Variants in MCM3AP observed in about 807,000 individuals in gnomAD.
MCM3AP encodes the protein minichromosome maintenance complex component 3 associated protein.
In MCM3AP, 126 loss-of-function variants were observed where a neutral mutation model predicts 184.1. That is an observed-to-expected ratio of 0.68 (90% CI 0.59 to 0.79). MCM3AP has a LOEUF of 0.79. MCM3AP is among the 30% of genes least tolerant of loss of function. The pLI, the probability that MCM3AP is intolerant of heterozygous loss-of-function variation, is 0.00. For missense variants in MCM3AP, 2,496 were observed against 2,479.2 expected (o/e 1.01, Z -0.14); for synonymous variants, 1,002 against 979.3 (o/e 1.02, Z -0.43).
intron 26 of MCM3AP, among the ~76,000 whole-genome samples, chr21:46,238,796 AC>A (rs1480537504): frequency 1.3e-5 from 2 of 152,184 alleles, no homozygotes; most frequent in Non-Finnish European, 2.9e-5. Flanking sequence ...CCCTTCCAAA[AC>A]ATATTCATTA....
intron 22 of MCM3AP, 94 bp from the exon 23 acceptor site, chr21:46,245,291 A>T: frequency 2.6e-6 from 3 of 1,154,728 alleles, no homozygotes; most frequent in Non-Finnish European, 3.7e-6. Flanking sequence ...TGCCCACAGC[A>T]GGTAATACCA....
chr21:46,280,498 T>C lies in MCM3AP; in HGVS notation c.1521A>G (p.Ile507Met), dbSNP rs1026354105. 6.2e-7 allele frequency: 1 copy of C among 1,602,422 alleles called. No homozygotes were observed. Among genetic ancestry groups the C allele is most frequent in the South Asian group, 1.1e-5 (1 of 89,648 alleles). Reference sequence around the variant, plus strand: ...TGAAAAGAATAATTGAAAACTCACTTATTTTCTTCCTGTGCCAAAAGATAG... The same window carrying C: ...TGAAAAGAATAATTGAAAACTCACTCATTTTCTTCCTGTGCCAAAAGATAG... ...DMAIFWHRKK[I>M]SPNKKPFSLK... Residue 507 changes from isoleucine to methionine, a missense_variant and splice_region_variant, in exon 3 of 28, where the codon ATA (isoleucine) becomes ATG (methionine). Transcript: ENST00000291688.
intron 19 of MCM3AP, 195 bp from the exon 20 acceptor site, chr21:46,251,877 C>G: frequency 9.5e-6 from 2 of 209,658 alleles, no homozygotes; most frequent in Non-Finnish European, 1.8e-5. Context: ...GATCTGTACT[C>G]GTTCTTTTTT....
chr21:46,240,938 T>TC lies in MCM3AP; in HGVS notation c.5505dup (p.Ser1836GlufsTer23). ...CTCCCCTCTTGAGCACACTCTGTGCTCCTCTTCCAGTTACGGTGCATGTGA... is the reference window on the plus strand; with the variant it reads ...CTCCCCTCTTGAGCACACTCTGTGCTCCCTCTTCCAGTTACGGTGCATGTGA... On this transcript the variant is annotated frameshift_variant, in exon 26 of 28. Coordinates refer to ENST00000291688, the MANE Select transcript of MCM3AP (RefSeq NM_003906.5). LOFTEE classifies it high-confidence loss of function. The TC allele has an allele frequency of 6.2e-7, 1 of 1,614,216 alleles. No homozygotes were observed. The highest frequency in any genetic ancestry group is 8.5e-7 in the Non-Finnish European group (1 of 1,180,018).
intron 17 of MCM3AP, chr21:46,256,400 C>G: frequency 9.6e-6 from 2 of 207,568 alleles, no homozygotes; most frequent in South Asian, 9.2e-5. Context: ...GCGGGAGGAA[C>G]AGAGGGATGG....
At chr21:46,273,630 G>C (rs756650692) in intron 6 of MCM3AP, 45 bp from the exon 7 acceptor site, 59 of 1,532,946 alleles carry the variant, frequency 3.8e-5, no homozygotes, top group Non-Finnish European at 4.6e-5. Context: ...GGCATACCTT[G>C]GGCCAGGCAT....
chr21:46,247,361 A>G (rs1189700335), intron 20 of MCM3AP: 1 of 152,490 alleles, frequency 6.6e-6, no homozygotes, highest in Non-Finnish European at 1.5e-5. Flanking sequence ...TTCAGATATA[A>G]GGCATGTTCA....
rs1406215715 is a variant in MCM3AP at position 46,244,971 on chromosome 21, G to A, written c.4874C>T (p.Ser1625Phe). ...VLQFLASVVS[S>F]EQLCDLSWPV... ...CCAGGACAGGTCACACAGCTGTTCA[G>A]AGGACACCACAGAAGCCAGGAACTG... Residue 1625 changes from serine (S) to phenylalanine (F), a missense_variant, in exon 23 of 28, where the codon TCT (serine) becomes TTT (phenylalanine). This residue lies in a region of MCM3AP where 1,323 missense variants were observed against 1,273.4 expected (regional missense o/e 1.04). Coordinates refer to ENST00000291688, the MANE Select transcript of MCM3AP (RefSeq NM_003906.5). 1 of 1,614,216 alleles carries A rather than the reference G, an allele frequency of 6.2e-7. No homozygotes were observed.
chr21:46,235,533 G>C, intron 27 of MCM3AP, 107 bp from the exon 28 acceptor site: 1 of 917,952 alleles, frequency 1.1e-6, no homozygotes. Context: ...CATCTGAGTA[G>C]TCATTTATTT....
At chr21:46,270,372 A>G in intron 9 of MCM3AP, 29 bp downstream of exon 9, 1 of 1,587,560 alleles carries the variant, frequency 6.3e-7, no homozygotes, top group Non-Finnish European at 8.6e-7. Context: ...GCTTTCTTCC[A>G]ACTCTGCAAG....
chr21:46,283,567 G>T, intron 2 of MCM3AP, 48 bp downstream of exon 2: 11 of 1,296,636 alleles, frequency 8.5e-6, no homozygotes, highest in South Asian at 1.3e-5. Context: ...GTTTTAAAGT[G>T]ACAAGGTTCA....
chr21:46,280,416 G>T, intron 3 of MCM3AP, 81 bp downstream of exon 3: 1 of 1,065,980 alleles, frequency 9.4e-7, no homozygotes, highest in Non-Finnish European at 1.4e-6. Flanking sequence ...GATCAGACTG[G>T]GCAACATAGC....
In MCM3AP at chr21:46,272,575, C is replaced by G; in HGVS notation, c.2451G>C (p.Lys817Asn). The part of the protein sequence containing the change: ...QGYNVLLSLN[K>N]GDILREVQQF... ...TGAAAATTCACCTTAGGATGTCTCC[C>G]TTGTTGAGACTGAGCAGAACATTGT... Residue 817 changes from lysine to asparagine, a missense_variant, in exon 8 of 28, where the codon AAG becomes AAC. By Grantham distance (94) the Lys-to-Asn change is moderately conservative. This residue lies in a region of MCM3AP where 105 missense variants were observed against 97.1 expected (regional missense o/e 1.08). Coordinates refer to ENST00000291688, the MANE Select transcript of MCM3AP (RefSeq NM_003906.5). 2 of 1,613,830 alleles carry G rather than the reference C, an allele frequency of 1.2e-6. No individual in the cohort carries two copies. Among genetic ancestry groups the G allele is most frequent in the African/African-American group, 2.7e-5 (2 of 75,048 alleles).
rs373312504 is a variant in MCM3AP, at chr21:46,235,737, A to C, written c.5785-311T>G. 4.6e-5 allele frequency among the ~76,000 whole-genome samples: 7 copies of C among 152,292 alleles called. No homozygotes were observed. In the East Asian group the frequency reaches 1.3e-3, roughly 29 times the overall value. ...ACTGCAGCCTCAAACTCCTGGGCTCAAGTGATCCTACCAGCTCAGCCTCCT... is the reference window on the plus strand; with the variant it reads ...ACTGCAGCCTCAAACTCCTGGGCTCCAGTGATCCTACCAGCTCAGCCTCCT... On this transcript the variant is annotated intron_variant, in intron 27 of 27. Transcript: ENST00000291688.
At chr21:46,254,162 G>A (rs2080912893) in intron 19 of MCM3AP, 1 of 570,762 alleles carries the variant, frequency 1.8e-6, no homozygotes, top group Non-Finnish European at 3.1e-6. Flanking sequence ...CTTTAAAGCA[G>A]TGTGAGAACG....
chr21:46,277,749 G>A lies in MCM3AP; in HGVS notation c.1668-32C>T, dbSNP rs577385910. The A allele has an allele frequency of 1.2e-4, 165 of 1,375,644 alleles. No homozygotes were observed. The South Asian group carries it at 2.3e-3, about 19-fold the overall frequency. The allele number at this position is 1,375,644 out of a possible 1,614,324, so 85.2% of individuals were successfully genotyped here. A position where few individuals can be genotyped will look rare whatever the true frequency, so the allele number is the denominator to read the frequency against. ...AGTAAACACCACACTGAGGGCCCTCGTCCCAGGAAGGCCTTCAGAGCATTT... is the reference window on the plus strand; with the variant it reads ...AGTAAACACCACACTGAGGGCCCTCATCCCAGGAAGGCCTTCAGAGCATTT... On this transcript the variant is annotated intron_variant, in intron 4 of 27. Coordinates refer to ENST00000291688, the MANE Select transcript of MCM3AP (RefSeq NM_003906.5).
In MCM3AP at chr21:46,242,944, T is replaced by C. The variant is rs1275875919; in HGVS notation, c.5297-13A>G. 6.6e-6 allele frequency: 10 copies of C among 1,509,752 alleles called. No individual in the cohort carries two copies. Among genetic ancestry groups the C allele is most frequent in the Non-Finnish European group, 8.8e-6 (10 of 1,130,682 alleles). The allele number at this position is 1,509,752 out of a possible 1,614,324, so 93.5% of individuals were successfully genotyped here. ...TCACTCAGCGCCTCTGAGAAAACAA[T>C]ACAAAAACAGATAAAGAGGCCAGCC... is the stretch of plus-strand genomic sequence containing the variant. On this transcript the variant is annotated splice_polypyrimidine_tract_variant and intron_variant, in intron 24 of 27. Coordinates refer to ENST00000291688, the MANE Select transcript of MCM3AP (RefSeq NM_003906.5).
chr21:46,283,715 T>C lies in MCM3AP; in HGVS notation c.1343A>G (p.Asp448Gly). 1 of 1,614,050 alleles carries C rather than the reference T, an allele frequency of 6.2e-7. No individual in the cohort carries two copies. The highest frequency in any genetic ancestry group is 8.5e-7 in the Non-Finnish European group (1 of 1,179,872). Residue 448 changes from aspartate to glycine, a missense_variant, in exon 2 of 28, where the codon GAC becomes GGC. By Grantham distance (94) the Asp-to-Gly change is moderately conservative. This residue lies in a region of MCM3AP where 800 missense variants were observed against 717.1 expected (regional missense o/e 1.12). Coordinates refer to ENST00000291688, the MANE Select transcript of MCM3AP (RefSeq NM_003906.5). ...AAAATGGTTCTCCAGAATGGTCCTG[T>C]CGTTGAGGTAGTCAGGGATGTTCTT... ...QCKNIPDYLN[D>G]RTILENHFGK...
At chr21:46,254,890 A>G (rs762332441) in intron 17 of MCM3AP, 46 bp from the exon 18 acceptor site, 2 of 1,415,752 alleles carry the variant, frequency 1.4e-6, no homozygotes, top group African/African-American at 2.8e-5. Context: ...GAGCTTAGTG[A>G]GAAGTACTGG....
Sources: gnomAD v4.1 joint callset for allele counts (sites outside exome capture counted in the v4.1 genomes callset) on GRCh38, gnomAD v4.1.1 for gene constraint, gnomAD v4.1.1 regional missense constraint, MANE v1.5 for transcripts, NCBI Gene and HGNC (gene_info 2026-07-23, HGNC 2026-07-21) for gene names.